DACH2: variants seen among roughly 807,000 people sequenced by gnomAD.
DACH2 encodes the protein dachshund homolog 2.
DACH2 carries 17 observed loss-of-function variants against 35.8 expected under a neutral mutation model. That is an observed-to-expected ratio of 0.48 (90% CI 0.33 to 0.71). The LOEUF (loss-of-function observed/expected upper bound fraction) is 0.71. Ranked by LOEUF, DACH2 falls within the 30% of genes least tolerant of loss-of-function variation. The probability of loss-of-function intolerance (pLI) is 0.02; values close to 1 mark genes in which losing one functional copy is unlikely to be tolerated. For synonymous variants in DACH2, 195 were observed against 177.3 expected (o/e 1.10, Z -0.79); for missense variants, 469 against 472.7 (o/e 0.99, Z 0.07).
In DACH2 at chrX:86,347,504, A is replaced by C. The variant is rs150363754; in HGVS notation, c.489-29320A>C. 1.8e-4 allele frequency among the ~76,000 whole-genome samples: 20 copies of C among 112,676 alleles called. 1 individual carries two copies. The East Asian group carries it at 5.1e-3, about 29-fold the overall frequency. On this transcript the variant is annotated intron_variant, in intron 1 of 11. Transcript: ENST00000373125. The stretch of plus-strand genomic sequence containing the variant: ...ACATAATCCATTCAGCTCATTTGTA[A>C]AGTTTACAAGTTGATTCTCTCTCAC...
At chrX:86,382,788 G>A (rs895127326) in intron 2 of DACH2, among the ~76,000 whole-genome samples, 1 of 110,916 alleles carries the variant, frequency 9.0e-6, no homozygotes, top group Non-Finnish European at 1.9e-5. Context: ...GAAAATTGTG[G>A]TTCACACACT....
intron 1 of DACH2, among the ~76,000 whole-genome samples, chrX:86,324,060 C>A (rs753400907): frequency 1.8e-5 from 2 of 112,009 alleles, no homozygotes; most frequent in Non-Finnish European, 3.8e-5. Flanking sequence ...TGGGGTAAAT[C>A]TTCCAGGCTG....
At chrX:86,470,229 C>G (rs1410343586) in intron 2 of DACH2, among the ~76,000 whole-genome samples, 1 of 111,687 alleles carries the variant, frequency 9.0e-6, no homozygotes, top group East Asian at 2.8e-4. Context: ...TATTGTCATT[C>G]TTTTAGCACT....
chrX:86,663,773 A>T (rs2040634650), intron 4 of DACH2, among the ~76,000 whole-genome samples: 1 of 111,968 alleles, frequency 8.9e-6, no homozygotes. Flanking sequence ...ATGTCCGCTT[A>T]ACCTAATGCG....
At chrX:86,347,585 C>T (rs1357918697) in intron 1 of DACH2, among the ~76,000 whole-genome samples, 2 of 112,900 alleles carry the variant, frequency 1.8e-5, no homozygotes, top group African/African-American at 6.4e-5. Context: ...CAGTAGAGCT[C>T]ATTTTCTCAT....
At chrX:86,679,639 TG>T (rs2040858531) in intron 4 of DACH2, among the ~76,000 whole-genome samples, 1 of 108,234 alleles carries the variant, frequency 9.2e-6, no homozygotes, top group Non-Finnish European at 1.9e-5. Context: ...TGTGTGTGTG[TG>T]TGTGTGTGTG....
At chrX:86,301,441 T>C (rs778015177) in intron 1 of DACH2, among the ~76,000 whole-genome samples, 71 of 111,384 alleles carry the variant, frequency 6.4e-4, no homozygotes, top group African/African-American at 2.3e-3. Context: ...TCTTGAAATA[T>C]AAAAAAAACT....
At chrX:86,513,437 C>T (rs187116061) in intron 2 of DACH2, among the ~76,000 whole-genome samples, 1 of 109,678 alleles carries the variant, frequency 9.1e-6, no homozygotes, top group East Asian at 2.8e-4. Flanking sequence ...CATGTAGTGA[C>T]AGCTTTAAAA....
intron 4 of DACH2, among the ~76,000 whole-genome samples, chrX:86,657,081 T>C (rs1382659771): frequency 9.4e-6 from 1 of 106,647 alleles, no homozygotes; most frequent in Non-Finnish European, 1.9e-5. Flanking sequence ...AGAAGGTGGC[T>C]CAGAAGGGTA....
intron 3 of DACH2, among the ~76,000 whole-genome samples, chrX:86,639,007 C>T (rs1165474737): frequency 8.9e-6 from 1 of 112,021 alleles, no homozygotes; most frequent in African/African-American, 3.2e-5. Flanking sequence ...TGGAATCCAC[C>T]TAAATGTCCA....
chrX:86,478,064 T>C (rs2037876012), intron 2 of DACH2, among the ~76,000 whole-genome samples: 1 of 112,022 alleles, frequency 8.9e-6, no homozygotes, highest in Non-Finnish European at 1.9e-5. Flanking sequence ...ACTTTCTATG[T>C]CTTGAAAAGT....
At chrX:86,166,537 A>C (rs1473916421) in intron 1 of DACH2, among the ~76,000 whole-genome samples, 1 of 111,040 alleles carries the variant, frequency 9.0e-6, no homozygotes, top group Non-Finnish European at 1.9e-5. Context: ...CTCCCTTTTT[A>C]ATTTGGCTGC....
intron 2 of DACH2, among the ~76,000 whole-genome samples, chrX:86,503,848 C>T (rs2038285329): frequency 1.8e-5 from 2 of 111,254 alleles, no homozygotes; most frequent in Admixed American, 9.6e-5. Context: ...TAATCTTTGT[C>T]AGCTATTGGA....
At chrX:86,329,062 G>A (rs2035165239) in intron 1 of DACH2, among the ~76,000 whole-genome samples, 1 of 111,357 alleles carries the variant, frequency 9.0e-6, no homozygotes. Context: ...CTGTGTATGT[G>A]CGGATGGGGA....
At chrX:86,648,934 C>T (rs1001553437) in intron 3 of DACH2, among the ~76,000 whole-genome samples, 18 of 110,077 alleles carry the variant, frequency 1.6e-4, no homozygotes, top group Admixed American at 4.9e-4. Context: ...GTAAGGAGAT[C>T]GTATCCTTTA....
At chrX:86,683,412 C>T (rs1230239715) in intron 4 of DACH2, among the ~76,000 whole-genome samples, 1 of 111,550 alleles carries the variant, frequency 9.0e-6, no homozygotes, top group Non-Finnish European at 1.9e-5. Context: ...AGTCTCACTG[C>T]TGAACCACTT....
intron 1 of DACH2, among the ~76,000 whole-genome samples, chrX:86,327,531 G>T (rs779081292): frequency 8.9e-6 from 1 of 111,869 alleles, no homozygotes; most frequent in South Asian, 3.7e-4. Flanking sequence ...GTCAAGGGTG[G>T]ATTATTTTCC....
intron 2 of DACH2, among the ~76,000 whole-genome samples, chrX:86,411,446 G>C (rs2036612854): frequency 9.1e-6 from 1 of 110,251 alleles, no homozygotes; most frequent in African/African-American, 3.3e-5. Context: ...TCCACTCCTT[G>C]TCAACTTGAA....
At chrX:86,475,608 A>G (rs775964934) in intron 2 of DACH2, among the ~76,000 whole-genome samples, 10 of 112,125 alleles carry the variant, frequency 8.9e-5, no homozygotes, top group African/African-American at 2.6e-4. Context: ...TTTTCCAAAT[A>G]TAATGTCATA....
Sources: allele counts gnomAD v4.1 joint callset (sites outside exome capture counted in the v4.1 genomes callset), GRCh38; gene constraint gnomAD v4.1.1; transcripts MANE v1.5; gene names NCBI Gene and HGNC (gene_info 2026-07-23, HGNC 2026-07-21).